The following CDH13 variants were observed in gnomAD, a reference collection of about 807,000 sequenced individuals.
CDH13 encodes cadherin-13.
CDH13 carries 24 observed loss-of-function variants against 63.8 expected under a neutral mutation model. That is an observed-to-expected ratio of 0.38 (90% CI 0.27 to 0.53). CDH13 has a LOEUF of 0.53. CDH13 is among the 20% of genes least tolerant of loss of function. The pLI is 0.85. For synonymous variants in CDH13, 503 were observed against 355.3 expected (o/e 1.42, Z -4.67); for missense variants, 1,049 against 903.1 (o/e 1.16, Z -2.07).
intron 5 of CDH13, among the ~76,000 whole-genome samples, chr16:83,220,648 A>G (rs1189156898): frequency 2.3e-5 from 3 of 133,166 alleles, no homozygotes; most frequent in Non-Finnish European, 3.2e-5. Context: ...ATAGAAAAAC[A>G]GAGCAAGAAA....
intron 3 of CDH13, among the ~76,000 whole-genome samples, chr16:83,124,597 G>C (rs4783328): frequency 6.7e-6 from 1 of 150,308 alleles, no homozygotes; most frequent in African/African-American, 2.5e-5. Context: ...GCCAATATCT[G>C]GAAGAGTTTT....
chr16:82,634,771 A>G (rs3852728), intron 1 of CDH13, among the ~76,000 whole-genome samples: 122,836 of 152,196 alleles, frequency 0.81, 50,885 homozygotes, highest in Non-Finnish European at 0.9. Context: ...CTCAAATAAG[A>G]GGGGCCTGAG....
intron 2 of CDH13, among the ~76,000 whole-genome samples, chr16:82,946,903 A>G (rs1293080955): frequency 6.6e-6 from 1 of 152,184 alleles, no homozygotes; most frequent in African/African-American, 2.4e-5. Flanking sequence ...TGCATTTAAA[A>G]TGCATATATA....
chr16:83,171,436 C>A, intron 4 of CDH13: 2 of 1,154,826 alleles, frequency 1.7e-6, no homozygotes, highest in African/African-American at 1.5e-5. Flanking sequence ...GGTGAGGACA[C>A]AGATCCAAAC....
intron 1 of CDH13, among the ~76,000 whole-genome samples, chr16:82,857,973 T>C (rs1490354925): frequency 1.3e-5 from 2 of 152,186 alleles, no homozygotes; most frequent in Non-Finnish European, 2.9e-5. Flanking sequence ...ATTTTCTCTT[T>C]CCTCCTCTTC....
chr16:83,082,788 C>T (rs184285666), intron 3 of CDH13, among the ~76,000 whole-genome samples: 88 of 152,268 alleles, frequency 5.8e-4, no homozygotes, highest in Admixed American at 3.9e-3. Context: ...GAAAAACCTA[C>T]GTGGAAAAGA....
intron 8 of CDH13, among the ~76,000 whole-genome samples, chr16:83,649,897 C>G (rs1438589415): frequency 6.6e-6 from 1 of 152,204 alleles, no homozygotes; most frequent in Non-Finnish European, 1.5e-5. Context: ...CAGCTCACAG[C>G]TAAGCTGGTC....
chr16:83,170,952 C>A (rs1386472711), intron 4 of CDH13, among the ~76,000 whole-genome samples: 1 of 152,100 alleles, frequency 6.6e-6, no homozygotes, highest in Non-Finnish European at 1.5e-5. Context: ...CTATCCTCTT[C>A]TCCTCTACTC....
chr16:82,853,191 A>C lies in CDH13; in HGVS notation c.46-5171A>C, dbSNP rs551574164. Among the ~76,000 whole-genome samples, 153 of 152,270 alleles carry C rather than the reference A, an allele frequency of 1.0e-3. 1 individual carries two copies. The highest frequency in any genetic ancestry group is 3.5e-3 in the African/African-American group (144 of 41,570). On this transcript the variant is annotated intron_variant, in intron 1 of 13. Coordinates refer to ENST00000567109, the MANE Select transcript of CDH13 (RefSeq NM_001257.5). ...GTAACACAACTCAATCATATCAGGC[A>C]CTGATGTTCTGATGGTGCAGCTGAT...
At chr16:82,723,402 A>G (rs138994804) in intron 1 of CDH13, among the ~76,000 whole-genome samples, 7 of 152,254 alleles carry the variant, frequency 4.6e-5, no homozygotes, top group South Asian at 2.1e-4. Flanking sequence ...TCTTGGGAAC[A>G]TAGCTAGGTT....
At chr16:83,569,600 A>T (rs962086743) in intron 7 of CDH13, among the ~76,000 whole-genome samples, 1 of 152,202 alleles carries the variant, frequency 6.6e-6, no homozygotes, top group African/African-American at 2.4e-5. Flanking sequence ...ATCCCTCCAG[A>T]TTCCTAATTA....
rs766834248 is a variant in CDH13, at chr16:83,783,412, G to A, written c.2074G>A (p.Ala692Thr). 1 of 1,613,998 alleles carries A rather than the reference G, an allele frequency of 6.2e-7. No individual in the cohort carries two copies. Among genetic ancestry groups the A allele is most frequent in the Non-Finnish European group, 8.5e-7 (1 of 1,179,894 alleles). ...CRNSKVDCNAAGALRFSLPSV... is the reference protein window; with the variant it reads ...CRNSKVDCNATGALRFSLPSV... The stretch of plus-strand genomic sequence containing the variant: ...GAATTCCAAAGTGGACTGCAACGCG[G>A]CAGGGGCCCTGCGCTTCAGCCTGCC... Residue 692 changes from alanine to threonine, a missense_variant, in exon 13 of 14, where the codon GCA becomes ACA. Coordinates refer to ENST00000567109, the MANE Select transcript of CDH13 (RefSeq NM_001257.5).
chr16:83,609,867 G>T (rs577007551), intron 8 of CDH13, among the ~76,000 whole-genome samples: 13 of 152,272 alleles, frequency 8.5e-5, no homozygotes, highest in African/African-American at 3.1e-4. Context: ...CCCATGAGCA[G>T]TTACTCCCCA....
chr16:83,354,784 C>T (rs1418884211), intron 6 of CDH13, among the ~76,000 whole-genome samples: 1 of 152,170 alleles, frequency 6.6e-6, no homozygotes, highest in Non-Finnish European at 1.5e-5. Context: ...AGGGCAAGAT[C>T]GTTCTGAGCA....
intron 2 of CDH13, among the ~76,000 whole-genome samples, chr16:83,019,696 A>G (rs1207001689): frequency 6.6e-6 from 1 of 151,458 alleles, no homozygotes; most frequent in Non-Finnish European, 1.5e-5. Flanking sequence ...GAGTCTTGCC[A>G]TGTTGCCCAG....
At chr16:83,199,849 G>C (rs1334873423) in intron 4 of CDH13, among the ~76,000 whole-genome samples, 1 of 152,122 alleles carries the variant, frequency 6.6e-6, no homozygotes, top group Non-Finnish European at 1.5e-5. Context: ...GGGGTGAAAA[G>C]ATTTGCCCAA....
At chr16:83,094,597 G>T (rs774127912) in intron 3 of CDH13, among the ~76,000 whole-genome samples, 1 of 152,120 alleles carries the variant, frequency 6.6e-6, no homozygotes, top group East Asian at 1.9e-4. Flanking sequence ...AGAAGGCAAG[G>T]CCTCTTAGTT....
intron 6 of CDH13, among the ~76,000 whole-genome samples, chr16:83,384,869 G>A (rs2091641956): frequency 6.6e-6 from 1 of 152,202 alleles, no homozygotes; most frequent in Non-Finnish European, 1.5e-5. Flanking sequence ...CAAGTCTCAT[G>A]AGTTGTCGTG....
chr16:83,093,875 A>G (rs78687911), intron 3 of CDH13, among the ~76,000 whole-genome samples: 2,025 of 152,338 alleles, frequency 0.013, 43 homozygotes, highest in African/African-American at 0.046. Flanking sequence ...TTGCAATAGT[A>G]TATGATAAGA....
Sources: allele counts gnomAD v4.1 joint callset (sites outside exome capture counted in the v4.1 genomes callset), GRCh38; gene constraint gnomAD v4.1.1; transcripts MANE v1.5; gene names NCBI Gene and HGNC (gene_info 2026-07-23, HGNC 2026-07-21).